Variants in PTPRT observed in about 807,000 individuals in gnomAD.
PTPRT encodes the protein protein tyrosine phosphatase receptor type T, also known as receptor-type tyrosine-protein phosphatase T.
A neutral mutation model predicts 176.8 loss-of-function variants in PTPRT; 56 were observed. The ratio of observed to expected loss-of-function variants is 0.32; its 90% CI spans 0.26 to 0.40. The LOEUF (loss-of-function observed/expected upper bound fraction) is 0.40, where lower values mean the gene tolerates loss of function less well. Ranked by LOEUF, PTPRT falls within the 10% of genes least tolerant of loss-of-function variation. The pLI is 1.00. For missense variants in PTPRT, 1,540 were observed against 1,908.2 expected (o/e 0.81, Z 3.60); for synonymous variants, 783 against 739.0 (o/e 1.06, Z -0.96).
chr20:42,620,662 G>A (rs187722554), intron 7 of PTPRT, among the ~76,000 whole-genome samples: 14 of 152,182 alleles, frequency 9.2e-5, no homozygotes, highest in Admixed American at 2.0e-4. Flanking sequence ...TTTTTAAGCC[G>A]GTCTGAAAAG....
intron 17 of PTPRT, among the ~76,000 whole-genome samples, chr20:42,155,238 G>A (rs56994977): frequency 1.3e-5 from 2 of 152,112 alleles, no homozygotes; most frequent in East Asian, 1.9e-4. Flanking sequence ...ACTCTAATGC[G>A]CAACCCAAAT....
chr20:43,083,091 T>C (rs1225296230), intron 1 of PTPRT, among the ~76,000 whole-genome samples: 1 of 151,874 alleles, frequency 6.6e-6, no homozygotes, highest in Non-Finnish European at 1.5e-5. Flanking sequence ...AATAAAGCCC[T>C]CTTCCCTGGC....
At chr20:42,608,590 G>A (rs1293280242) in intron 7 of PTPRT, among the ~76,000 whole-genome samples, 1 of 152,180 alleles carries the variant, frequency 6.6e-6, no homozygotes, top group African/African-American at 2.4e-5. Context: ...TGGGAAGACT[G>A]GAACAGCCAG....
chr20:42,732,807 A>G (rs1356125118), intron 6 of PTPRT, among the ~76,000 whole-genome samples: 1 of 152,168 alleles, frequency 6.6e-6, no homozygotes, highest in Non-Finnish European at 1.5e-5. Context: ...ATTATCTCTG[A>G]AAAGAAGGAA....
At chr20:43,028,605 A>T (rs1986014869) in intron 1 of PTPRT, among the ~76,000 whole-genome samples, 1 of 152,096 alleles carries the variant, frequency 6.6e-6, no homozygotes, top group South Asian at 2.1e-4. Flanking sequence ...AGAGGTCACA[A>T]AGCATCTCTA....
intron 2 of PTPRT, among the ~76,000 whole-genome samples, chr20:42,795,694 G>A (rs189869080): frequency 1.4e-3 from 206 of 152,266 alleles, no homozygotes; most frequent in African/African-American, 4.1e-3. Context: ...AAGCAGCTGT[G>A]GTGACATGAA....
At chr20:42,878,246 G>A (rs208194) in intron 2 of PTPRT, among the ~76,000 whole-genome samples, 43,392 of 152,106 alleles carry the variant, frequency 0.29, 6,404 homozygotes, top group African/African-American at 0.37. Context: ...ATTGCAATGG[G>A]AAACTATGAA....
At chr20:42,287,781 T>C (rs1315410296) in intron 12 of PTPRT, among the ~76,000 whole-genome samples, 1 of 151,976 alleles carries the variant, frequency 6.6e-6, no homozygotes, top group Non-Finnish European at 1.5e-5. Context: ...CTAATTACCT[T>C]GATCTGATCA....
At chr20:42,137,989 A>G (rs1308729893) in intron 18 of PTPRT, among the ~76,000 whole-genome samples, 4 of 152,200 alleles carry the variant, frequency 2.6e-5, no homozygotes. Context: ...TGGCCCTCTA[A>G]TCCAGGAGGC....
At chr20:42,718,548 A>G (rs1456832063) in intron 6 of PTPRT, among the ~76,000 whole-genome samples, 1 of 152,210 alleles carries the variant, frequency 6.6e-6, no homozygotes, top group African/African-American at 2.4e-5. Flanking sequence ...AAAAAAATAA[A>G]TTAAAAATAA....
chr20:42,191,447 A>C lies in PTPRT; in HGVS notation c.2491+7793T>G, dbSNP rs116693274. On this transcript the variant is annotated intron_variant, in intron 16 of 30. Transcript: ENST00000373187. ...TAGCTCTCTGAACTCCCAGTGACTC[A>C]GCCCAATGTAGAGGGTCATGGTTGT... 5.4e-3 allele frequency among the ~76,000 whole-genome samples: 817 copies of C among 152,344 alleles called. 8 individuals are homozygous for C. Among genetic ancestry groups the C allele is most frequent in the African/African-American group, 0.019 (775 of 41,582 alleles).
At chr20:42,737,505 TCTGTAATCCCAGCTACTCGGGAGG>T (rs1378945398) in intron 6 of PTPRT, among the ~76,000 whole-genome samples, 1 of 151,190 alleles carries the variant, frequency 6.6e-6, no homozygotes, top group African/African-American at 2.4e-5. Context: ...GTGGTGGGAG[TCTGTAATCCCAGCTACTCGGGAGG>T]CTGAGGCAGG....
At chr20:43,091,507 CT>C (rs1200198815) in intron 1 of PTPRT, among the ~76,000 whole-genome samples, 13 of 149,272 alleles carry the variant, frequency 8.7e-5, no homozygotes, top group African/African-American at 7.5e-5. Flanking sequence ...CTCTCTCTCT[CT>C]CCCCCCTCTC....
chr20:42,820,790 C>T (rs73099962), intron 2 of PTPRT, among the ~76,000 whole-genome samples: 41,236 of 152,012 alleles, frequency 0.27, 7,203 homozygotes, highest in Non-Finnish European at 0.39. Context: ...AAAAACCTCA[C>T]GTAAATAAAC....
intron 11 of PTPRT, among the ~76,000 whole-genome samples, chr20:42,336,350 C>T (rs1371382247): frequency 1.3e-5 from 2 of 151,876 alleles, no homozygotes; most frequent in Non-Finnish European, 2.9e-5. Context: ...TAAAATAGCA[C>T]ATTATGTAGT....
chr20:42,667,932 C>T (rs994000193), intron 7 of PTPRT, among the ~76,000 whole-genome samples: 2 of 152,102 alleles, frequency 1.3e-5, no homozygotes, highest in Non-Finnish European at 2.9e-5. Context: ...GGAGGTCTCA[C>T]TAGTGCCATC....
intron 1 of PTPRT, among the ~76,000 whole-genome samples, chr20:42,960,878 A>G (rs1395092084): frequency 1.3e-5 from 2 of 152,204 alleles, no homozygotes; most frequent in Non-Finnish European, 2.9e-5. Context: ...CCATTTGTAA[A>G]TCACTAAGAA....
chr20:42,412,183 C>T (rs184403704), intron 9 of PTPRT, among the ~76,000 whole-genome samples: 26 of 152,222 alleles, frequency 1.7e-4, no homozygotes, highest in African/African-American at 6.0e-4. Flanking sequence ...TGATTGTATC[C>T]AGAATACACA....
intron 27 of PTPRT, 152 bp from the exon 28 acceptor site, chr20:42,086,005 T>TG (rs1983864316): frequency 9.7e-7 from 1 of 1,029,852 alleles, no homozygotes; most frequent in Non-Finnish European, 1.4e-6. Flanking sequence ...TGGAGTGCAT[T>TG]GGCACGATTT....
Sources: allele counts gnomAD v4.1 joint callset (sites outside exome capture counted in the v4.1 genomes callset), GRCh38; gene constraint gnomAD v4.1.1; transcripts MANE v1.5; gene names NCBI Gene and HGNC (gene_info 2026-07-23, HGNC 2026-07-21).